Variants in DLG2 observed in about 807,000 individuals in gnomAD.
The protein encoded by DLG2 is discs large MAGUK scaffold protein 2, also known as disks large homolog 2.
DLG2 carries 45 observed loss-of-function variants against 132.5 expected under a neutral mutation model. The ratio of observed to expected loss-of-function variants is 0.34; its 90% CI spans 0.27 to 0.44. The LOEUF (loss-of-function observed/expected upper bound fraction) is 0.44, where lower values mean the gene tolerates loss of function less well. Ranked by LOEUF, DLG2 falls within the 20% of genes least tolerant of loss-of-function variation. DLG2 has a pLI of 1.00. For missense variants in DLG2, 1,045 were observed against 1,196.9 expected, an observed-to-expected ratio of 0.87 and a Z score of 1.87; for synonymous variants, 424 against 419.6, an observed-to-expected ratio of 1.01 and a Z score of -0.13.
intron 8 of DLG2, among the ~76,000 whole-genome samples, chr11:84,249,829 A>T (rs1399142551): frequency 6.6e-6 from 1 of 152,176 alleles, no homozygotes; most frequent in African/African-American, 2.4e-5. Flanking sequence ...TCTTGTTCAG[A>T]AAGATTTAAG....
At chr11:83,837,399 C>T (rs1682443879) in intron 16 of DLG2, among the ~76,000 whole-genome samples, 1 of 152,130 alleles carries the variant, frequency 6.6e-6, no homozygotes, top group African/African-American at 2.4e-5. Flanking sequence ...AAATTCAGTT[C>T]TTGTTCTGTC....
intron 3 of DLG2, among the ~76,000 whole-genome samples, chr11:85,392,733 T>C (rs1235578309): frequency 6.6e-6 from 1 of 152,124 alleles, no homozygotes; most frequent in Non-Finnish European, 1.5e-5. Flanking sequence ...GGACACCCTA[T>C]TCAACAAATG....
intron 7 of DLG2, among the ~76,000 whole-genome samples, chr11:84,502,186 TTCTC>T (rs1555630792): frequency 7.8e-5 from 1 of 12,872 alleles, no homozygotes; most frequent in Non-Finnish European, 2.0e-4. Context: ...TTCTCTCTCT[TTCTC>T]TCTCTCTCTC....
At chr11:85,569,754 T>C (rs1165312323) in intron 3 of DLG2, among the ~76,000 whole-genome samples, 1 of 152,172 alleles carries the variant, frequency 6.6e-6, no homozygotes, top group Non-Finnish European at 1.5e-5. Context: ...AAGGGGAAGC[T>C]TATATGCTGT....
Position 84,131,489 on chromosome 11 carries a change from G to GTCC in DLG2, c.624+31971_624+31972insGGA, listed in dbSNP as rs568062229. 1.1e-4 allele frequency among the ~76,000 whole-genome samples: 16 copies of GTCC among 151,998 alleles called. 1 individual carries two copies. The East Asian group carries it at 1.7e-3, about 17-fold the overall frequency. On this transcript the variant is annotated intron_variant, in intron 9 of 27. Coordinates refer to ENST00000376104, the MANE Select transcript of DLG2 (RefSeq NM_001142699.3). ...CCTACCATGAGCAGGAAGTTTTGGT[G>GTCC]TTTCTTTCACCCTATAGAATTTCAT...
At chr11:83,867,681 A>G (rs895130432) in intron 16 of DLG2, among the ~76,000 whole-genome samples, 1 of 152,216 alleles carries the variant, frequency 6.6e-6, no homozygotes, top group Non-Finnish European at 1.5e-5. Flanking sequence ...TCTAAACAAG[A>G]ATCAATGGTT....
At chr11:84,944,590 T>TTA (rs1359046526) in intron 6 of DLG2, among the ~76,000 whole-genome samples, 1 of 139,612 alleles carries the variant, frequency 7.2e-6, no homozygotes, top group Non-Finnish European at 1.5e-5. Context: ...TTTTTAATTA[T>TTA]TTCAGTCTCT....
At chr11:83,753,862 ATT>A (rs1226056951) in intron 18 of DLG2, among the ~76,000 whole-genome samples, 866 of 7,082 alleles carry the variant, frequency 0.12, 100 homozygotes, top group African/African-American at 0.41. Context: ...TCATATATAT[ATT>A]TCATATATAT....
intron 7 of DLG2, among the ~76,000 whole-genome samples, chr11:84,434,266 G>C (rs2098993869): frequency 6.6e-6 from 1 of 152,258 alleles, no homozygotes; most frequent in East Asian, 1.9e-4. Context: ...CTGAAATAAA[G>C]AGGTTGAGTT....
chr11:84,719,220 A>G (rs1418980327), intron 6 of DLG2, among the ~76,000 whole-genome samples: 1 of 152,164 alleles, frequency 6.6e-6, no homozygotes, highest in Non-Finnish European at 1.5e-5. Context: ...CATTAACTTT[A>G]CTGCCTAAGG....
intron 18 of DLG2, among the ~76,000 whole-genome samples, chr11:83,703,410 G>T (rs868269520): frequency 6.6e-6 from 1 of 152,230 alleles, no homozygotes; most frequent in Non-Finnish European, 1.5e-5. Flanking sequence ...AGCACTTTGG[G>T]AGGTCGAGGC....
At chr11:85,594,952 GC>G (rs1401160198) in intron 3 of DLG2, among the ~76,000 whole-genome samples, 1 of 150,958 alleles carries the variant, frequency 6.6e-6, no homozygotes, top group African/African-American at 2.4e-5. Context: ...TGTAATCCCA[GC>G]TACTCGGGAG....
intron 15 of DLG2, among the ~76,000 whole-genome samples, chr11:83,885,456 C>G (rs1279959852): frequency 2.0e-5 from 3 of 152,094 alleles, no homozygotes; most frequent in Non-Finnish European, 4.4e-5. Flanking sequence ...TGTGAAAAGA[C>G]CAAATCTACA....
intron 9 of DLG2, among the ~76,000 whole-genome samples, chr11:84,118,353 C>T (rs943225122): frequency 2.0e-5 from 3 of 152,134 alleles, no homozygotes; most frequent in Admixed American, 1.3e-4. Flanking sequence ...TAATTTGCCT[C>T]CATGGTTTCT....
At chr11:84,711,871 C>T (rs1272115356) in intron 6 of DLG2, among the ~76,000 whole-genome samples, 1 of 152,012 alleles carries the variant, frequency 6.6e-6, no homozygotes, top group Non-Finnish European at 1.5e-5. Flanking sequence ...AAGTTAACCA[C>T]CACATCAAGG....
In DLG2 at chr11:83,928,678, A is replaced by C. The variant is rs955068643; in HGVS notation, c.1496+1650T>G. On this transcript the variant is annotated intron_variant, in intron 15 of 27. Coordinates refer to ENST00000376104, the MANE Select transcript of DLG2 (RefSeq NM_001142699.3). The stretch of plus-strand genomic sequence containing the variant: ...TGGGTTTGAATCCCAGCTGTCACTT[A>C]CTAATGGATGATCTTGGGCAAGTCA... Among the ~76,000 whole-genome samples the C allele has an allele frequency of 4.6e-5, 7 of 152,132 alleles. 1 individual carries two copies. Among genetic ancestry groups the C allele is most frequent in the African/African-American group, 1.7e-4 (7 of 41,436 alleles).
intron 16 of DLG2, among the ~76,000 whole-genome samples, chr11:83,858,064 A>G (rs2154042250): frequency 6.6e-6 from 1 of 152,230 alleles, no homozygotes; most frequent in Non-Finnish European, 1.5e-5. Flanking sequence ...GGGACCAAAA[A>G]CAAAGGAGGG....
intron 8 of DLG2, among the ~76,000 whole-genome samples, chr11:84,200,602 TTG>T (rs2096579443): frequency 6.6e-6 from 1 of 152,232 alleles, no homozygotes; most frequent in Non-Finnish European, 1.5e-5. Context: ...TTCCATTTGT[TTG>T]TGTACTCTCT....
At chr11:83,745,103 C>G (rs1028888034) in intron 18 of DLG2, among the ~76,000 whole-genome samples, 5 of 152,300 alleles carry the variant, frequency 3.3e-5, no homozygotes, top group African/African-American at 1.2e-4. Flanking sequence ...GATTGGTTCC[C>G]ATGCATCGCG....
Sources: allele counts gnomAD v4.1 joint callset (sites outside exome capture counted in the v4.1 genomes callset), GRCh38; gene constraint gnomAD v4.1.1; transcripts MANE v1.5; gene names NCBI Gene and HGNC (gene_info 2026-07-23, HGNC 2026-07-21).